ARL15: variants seen among roughly 807,000 people sequenced by gnomAD.
ARL15 encodes ARF like GTPase 15.
Under a neutral mutation model 25.2 loss-of-function variants are expected in ARL15, and 19 were observed. The ratio of observed to expected loss-of-function variants is 0.75; its 90% CI spans 0.53 to 1.10. The LOEUF is 1.10. Among genes scored for constraint, ARL15 ranks in the 50% least tolerant of loss-of-function variants. The pLI is 0.00. For synonymous variants in ARL15, 94 were observed against 86.8 expected, an observed-to-expected ratio of 1.08 and a Z score of -0.46; for missense variants, 220 against 246.0, an observed-to-expected ratio of 0.89 and a Z score of 0.71.
At chr5:53,998,909 G>C (rs1053241392) in intron 4 of ARL15, among the ~76,000 whole-genome samples, 1 of 152,192 alleles carries the variant, frequency 6.6e-6, no homozygotes, top group Non-Finnish European at 1.5e-5. Flanking sequence ...GGAGGAGACA[G>C]AATAAGTAAA....
intron 1 of ARL15, among the ~76,000 whole-genome samples, 179 bp from the exon 2 acceptor site, chr5:54,172,107 A>C (rs143081482): frequency 2.9e-3 from 437 of 152,346 alleles, no homozygotes; most frequent in Non-Finnish European, 5.3e-3. Context: ...CCAAGTGATC[A>C]AAGTTAACAT....
At chr5:54,280,107 G>A (rs1381539164) in intron 1 of ARL15, among the ~76,000 whole-genome samples, 2 of 152,188 alleles carry the variant, frequency 1.3e-5, no homozygotes, top group Non-Finnish European at 2.9e-5. Context: ...AGACTTCTCA[G>A]GAATACATGG....
intron 1 of ARL15, among the ~76,000 whole-genome samples, chr5:54,301,182 T>C (rs918935077): frequency 5.3e-5 from 8 of 152,172 alleles, no homozygotes; most frequent in African/African-American, 1.9e-4. Context: ...TACTCCAAAA[T>C]GTAATTGTTT....
chr5:54,113,313 T>G lies in ARL15; in HGVS notation c.351A>C (p.Glu117Asp). 1 of 1,613,972 alleles carries G rather than the reference T, an allele frequency of 6.2e-7. No individual in the cohort carries two copies. The highest frequency in any genetic ancestry group is 8.5e-7 in the Non-Finnish European group (1 of 1,179,866). Residue 117 changes from glutamate (E) to aspartate (D), a missense_variant, in exon 4 of 5, where the codon GAA (glutamate) becomes GAC (aspartate). By Grantham distance (45) the Glu-to-Asp change is conservative. Coordinates refer to ENST00000504924, the MANE Select transcript of ARL15 (RefSeq NM_019087.3). ...CTGAGTGCAGCTCATTTCTAGCAGC[T>G]TCTAAATCATCCTCTGAAGAGGCAC... ...LDSASSEDDLEAARNELHSAL... is the reference protein window; with the variant it reads ...LDSASSEDDLDAARNELHSAL...
intron 4 of ARL15, among the ~76,000 whole-genome samples, chr5:53,955,374 G>A (rs1197166654): frequency 3.9e-5 from 6 of 151,950 alleles, no homozygotes; most frequent in Non-Finnish European, 8.8e-5. Context: ...GTGAGCTTAC[G>A]GCAGCATTTT....
chr5:54,044,433 T>C (rs1171423412), intron 4 of ARL15, among the ~76,000 whole-genome samples: 3 of 151,986 alleles, frequency 2.0e-5, no homozygotes, highest in African/African-American at 7.2e-5. Context: ...TTAGTACAGA[T>C]GGTATTTCGC....
rs141281934 is a variant in ARL15 at position 54,232,526 on chromosome 5, G to C, written c.49-60598C>G. ...AAGACCCTAAGTTCATATTTGAAAG[G>C]CTGCACAGGAGAAAGCAGAGCCTTA... On this transcript the variant is annotated intron_variant, in intron 1 of 4. Transcript: ENST00000504924. 1.8e-3 allele frequency among the ~76,000 whole-genome samples: 279 copies of C among 152,186 alleles called. 1 individual carries two copies. Among genetic ancestry groups the C allele is most frequent in the African/African-American group, 6.4e-3 (265 of 41,508 alleles).
chr5:54,239,788 A>G (rs1216069729), intron 1 of ARL15, among the ~76,000 whole-genome samples: 1 of 152,260 alleles, frequency 6.6e-6, no homozygotes, highest in South Asian at 2.1e-4. Context: ...CAGATGGTGA[A>G]GCAACGAGAT....
intron 4 of ARL15, among the ~76,000 whole-genome samples, chr5:53,989,587 G>A (rs2111647526): frequency 6.6e-6 from 1 of 152,148 alleles, no homozygotes; most frequent in African/African-American, 2.4e-5. Flanking sequence ...GTGTGTGTGT[G>A]TGTGTGTGTG....
At chr5:53,976,226 T>C (rs1218561568) in intron 4 of ARL15, among the ~76,000 whole-genome samples, 1 of 152,076 alleles carries the variant, frequency 6.6e-6, no homozygotes, top group Non-Finnish European at 1.5e-5. Context: ...AGTACCAAAA[T>C]AGCTGAGTAA....
At chr5:54,269,086 G>A (rs1408480348) in intron 1 of ARL15, among the ~76,000 whole-genome samples, 1 of 151,898 alleles carries the variant, frequency 6.6e-6, no homozygotes, top group Non-Finnish European at 1.5e-5. Flanking sequence ...TAGGGGTGGG[G>A]GGTAGGGATA....
intron 2 of ARL15, among the ~76,000 whole-genome samples, chr5:54,162,024 C>CACACACACACACAG (rs148833900): frequency 4.3e-4 from 63 of 145,428 alleles, no homozygotes; most frequent in Admixed American, 8.2e-4. Context: ...CACACACACA[C>CACACACACACACAG]AGAGAGAGAT....
chr5:54,223,421 C>G (rs953665973), intron 1 of ARL15, among the ~76,000 whole-genome samples: 1 of 152,090 alleles, frequency 6.6e-6, no homozygotes, highest in South Asian at 2.1e-4. Flanking sequence ...AGTTCGCACA[C>G]AGTAGGCTGT....
chr5:54,304,921 C>T (rs1040645104), intron 1 of ARL15, among the ~76,000 whole-genome samples: 36 of 152,024 alleles, frequency 2.4e-4, no homozygotes, highest in African/African-American at 8.0e-4. Context: ...TGTACCTTCA[C>T]TCCTCTTTTC....
chr5:54,213,701 T>C (rs1756106006), intron 1 of ARL15, among the ~76,000 whole-genome samples: 1 of 152,182 alleles, frequency 6.6e-6, no homozygotes, highest in South Asian at 2.1e-4. Context: ...TTTATATCCA[T>C]ATAGCAGAGA....
intron 4 of ARL15, among the ~76,000 whole-genome samples, chr5:54,018,106 A>AT (rs1749482986): frequency 6.6e-6 from 1 of 152,192 alleles, no homozygotes; most frequent in Non-Finnish European, 1.5e-5. Context: ...TTTAAAAAAT[A>AT]TCTGGATTCA....
intron 1 of ARL15, among the ~76,000 whole-genome samples, chr5:54,212,574 A>G (rs1756074202): frequency 6.6e-6 from 1 of 152,228 alleles, no homozygotes; most frequent in Non-Finnish European, 1.5e-5. Flanking sequence ...GCCTGGGGCT[A>G]GACACATTGC....
intron 1 of ARL15, among the ~76,000 whole-genome samples, chr5:54,191,946 A>T (rs540719179): frequency 6.6e-6 from 1 of 152,238 alleles, no homozygotes; most frequent in African/African-American, 2.4e-5. Context: ...AAGGTCCTAT[A>T]AAATCTGCCT....
At chr5:54,238,735 C>A (rs1756876559) in intron 1 of ARL15, among the ~76,000 whole-genome samples, 1 of 152,124 alleles carries the variant, frequency 6.6e-6, no homozygotes, top group Admixed American at 6.5e-5. Flanking sequence ...GGAAACAGAT[C>A]AGGTTGTTGT....
Sources: gnomAD v4.1 joint callset for allele counts (sites outside exome capture counted in the v4.1 genomes callset) on GRCh38, gnomAD v4.1.1 for gene constraint, MANE v1.5 for transcripts, NCBI Gene and HGNC (gene_info 2026-07-23, HGNC 2026-07-21) for gene names.